The following PTGFR variants were observed in gnomAD, a reference collection of about 807,000 sequenced individuals.
The protein encoded by PTGFR is prostaglandin F2-alpha receptor.
Under a neutral mutation model 26.2 loss-of-function variants are expected in PTGFR, and 15 were observed. The observed-to-expected ratio is 0.57, with a 90% CI of 0.38 to 0.88. PTGFR has a LOEUF of 0.88. Among genes scored for constraint, PTGFR ranks in the 40% least tolerant of loss-of-function variants. The pLI, the probability that PTGFR is intolerant of heterozygous loss-of-function variation, is 0.00. For synonymous variants in PTGFR, 165 were observed against 151.1 expected, an observed-to-expected ratio of 1.09 and a Z score of -0.68; for missense variants, 369 against 427.2, an observed-to-expected ratio of 0.86 and a Z score of 1.20.
At chr1:78,532,378 ATATATATATATATATATATG>A (rs1251565236) in intron 2 of PTGFR, 3 of 134,734 alleles carry the variant, frequency 2.2e-5, no homozygotes, top group Non-Finnish European at 4.4e-5. Context: ...ATATATATAT[ATATATATATATATATATATG>A]TATATATGTG....
At chr1:78,495,309 C>A (rs1649520393) in intron 2 of PTGFR, among the ~76,000 whole-genome samples, 1 of 152,146 alleles carries the variant, frequency 6.6e-6, no homozygotes, top group South Asian at 2.1e-4. Context: ...AACACTGGAG[C>A]CACTTCATTG....
intron 2 of PTGFR, among the ~76,000 whole-genome samples, chr1:78,509,146 A>G (rs1009876345): frequency 1.3e-5 from 2 of 152,190 alleles, no homozygotes; most frequent in Non-Finnish European, 2.9e-5. Flanking sequence ...TCCCACCTGT[A>G]TTCTGGTAGC....
chr1:78,496,644 A>C (rs1033661056), intron 2 of PTGFR, among the ~76,000 whole-genome samples: 1 of 152,208 alleles, frequency 6.6e-6, no homozygotes, highest in Non-Finnish European at 1.5e-5. Context: ...ACTGCATCAA[A>C]ACTTGTCAAT....
chr1:78,535,907 TG>T (rs1347975736), intron 2 of PTGFR, among the ~76,000 whole-genome samples: 1 of 152,148 alleles, frequency 6.6e-6, no homozygotes, highest in Non-Finnish European at 1.5e-5. Flanking sequence ...AATAGAAAAT[TG>T]AAGACAGTGG....
intron 2 of PTGFR, among the ~76,000 whole-genome samples, chr1:78,527,586 T>C (rs1490645688): frequency 3.3e-5 from 5 of 152,114 alleles, no homozygotes; most frequent in African/African-American, 1.2e-4. Context: ...CCCCAAATCT[T>C]ACAACACATT....
chr1:78,509,207 C>A (rs959494679), intron 2 of PTGFR, among the ~76,000 whole-genome samples: 6 of 152,126 alleles, frequency 3.9e-5, no homozygotes, highest in African/African-American at 7.2e-5. Context: ...AAGGGTATAG[C>A]TAAATTTCCA....
intron 2 of PTGFR, among the ~76,000 whole-genome samples, chr1:78,511,751 T>C (rs1198664223): frequency 1.3e-5 from 2 of 151,124 alleles, no homozygotes; most frequent in African/African-American, 2.4e-5. Context: ...TTCTCTATCA[T>C]GTGGCTAGCC....
Position 78,493,364 on chromosome 1 carries a change from T to C in PTGFR, c.621T>C (p.Phe207=). 3 of 1,614,066 alleles carry C rather than the reference T, an allele frequency of 1.9e-6. No homozygotes were observed. Among genetic ancestry groups the C allele is most frequent in the Non-Finnish European group, 1.7e-6 (2 of 1,180,002 alleles). The change falls in exon 2 of 3, where the codon TTT becomes TTC. Residue 207 remains phenylalanine (F), a synonymous_variant. Coordinates refer to ENST00000370757, the MANE Select transcript of PTGFR (RefSeq NM_000959.4). Reference sequence around the variant, plus strand: ...GATTTTATCTTCTACTTTTTTCTTTTCTGGGGCTCTTAGCCCTTGGTGTTT... The same window carrying C: ...GATTTTATCTTCTACTTTTTTCTTTCCTGGGGCTCTTAGCCCTTGGTGTTT... ...EDRFYLLLFS[F]LGLLALGVSL... is the part of the protein sequence containing the mutation.
chr1:78,515,440 A>G (rs546655672), intron 2 of PTGFR, among the ~76,000 whole-genome samples: 1 of 152,356 alleles, frequency 6.6e-6, no homozygotes, highest in Admixed American at 6.5e-5. Flanking sequence ...AAATTTTCTT[A>G]AAGTCCAATA....
At chr1:78,535,159 G>GA (rs1446245323) in intron 2 of PTGFR, among the ~76,000 whole-genome samples, 2 of 152,114 alleles carry the variant, frequency 1.3e-5, no homozygotes, top group Admixed American at 1.3e-4. Context: ...GGAGAGAGGA[G>GA]AATCAGAGGA....
At chr1:78,526,599 C>G (rs894982341) in intron 2 of PTGFR, among the ~76,000 whole-genome samples, 2 of 151,954 alleles carry the variant, frequency 1.3e-5, no homozygotes, top group African/African-American at 4.8e-5. Context: ...TTTTTTTGTG[C>G]TCTTTATAAT....
At chr1:78,522,686 G>A (rs1185110322) in intron 2 of PTGFR, among the ~76,000 whole-genome samples, 1 of 152,052 alleles carries the variant, frequency 6.6e-6, no homozygotes, top group African/African-American at 2.4e-5. Context: ...AAAGAGGGAT[G>A]AGGAAAGGGC....
At chr1:78,524,394 T>A (rs1279605709) in intron 2 of PTGFR, among the ~76,000 whole-genome samples, 1 of 152,054 alleles carries the variant, frequency 6.6e-6, no homozygotes, top group Non-Finnish European at 1.5e-5. Context: ...CAGAACCAAA[T>A]ACCTAGATTC....
At chr1:78,532,478 ATGTGTGTATATATGTGTATATATTTG>A (rs1220915463) in intron 2 of PTGFR, 17 of 136,614 alleles carry the variant, frequency 1.2e-4, no homozygotes, top group African/African-American at 4.4e-4. Flanking sequence ...GTGTGTATAT[ATGTGTGTATATATGTGTATATATTTG>A]TGTGTGTATA....
chr1:78,491,367 A>T (rs1161298521), intron 1 of PTGFR, 131 bp downstream of exon 1: 1 of 152,484 alleles, frequency 6.6e-6, no homozygotes, highest in Non-Finnish European at 1.5e-5. Context: ...TTTGGACCAG[A>T]TTCCCCAAGC....
At chr1:78,522,038 G>A (rs1156343471) in intron 2 of PTGFR, among the ~76,000 whole-genome samples, 1 of 147,294 alleles carries the variant, frequency 6.8e-6, no homozygotes, top group African/African-American at 2.7e-5. Flanking sequence ...AGCAGTGTTG[G>A]GCTGTTACAG....
intron 2 of PTGFR, among the ~76,000 whole-genome samples, chr1:78,517,793 A>T (rs1249955550): frequency 6.6e-6 from 1 of 152,168 alleles, no homozygotes; most frequent in East Asian, 1.9e-4. Flanking sequence ...GAAAGGTGTG[A>T]TCTAATGCAT....
chr1:78,525,814 A>C (rs1384017137), intron 2 of PTGFR, among the ~76,000 whole-genome samples: 1 of 152,062 alleles, frequency 6.6e-6, no homozygotes, highest in Non-Finnish European at 1.5e-5. Flanking sequence ...AGATACTCCT[A>C]TCATTAAGGA....
intron 1 of PTGFR, among the ~76,000 whole-genome samples, 173 bp downstream of exon 1, chr1:78,491,409 G>T (rs1557644838): frequency 1.3e-5 from 2 of 152,178 alleles, no homozygotes; most frequent in Non-Finnish European, 2.9e-5. Flanking sequence ...AAGGGTACTC[G>T]AGCTAACCCA....
Sources: allele counts gnomAD v4.1 joint callset (sites outside exome capture counted in the v4.1 genomes callset), GRCh38; gene constraint gnomAD v4.1.1; transcripts MANE v1.5; gene names NCBI Gene and HGNC (gene_info 2026-07-23, HGNC 2026-07-21).